LRP1B: variants seen among roughly 807,000 people sequenced by gnomAD.
LRP1B encodes the protein low-density lipoprotein receptor-related protein 1B.
Under a neutral mutation model 556.6 loss-of-function variants are expected in LRP1B, and 217 were observed. The observed-to-expected ratio is 0.39, with a 90% confidence interval of 0.35 to 0.44. The LOEUF (loss-of-function observed/expected upper bound fraction) is 0.44, where lower values mean the gene tolerates loss of function less well. LRP1B is among the 20% of genes least tolerant of loss of function. The pLI, the probability that LRP1B is intolerant of heterozygous loss-of-function variation, is 1.00. For synonymous variants in LRP1B, 2,047 were observed against 1,865.8 expected (o/e 1.10, Z -2.50); for missense variants, 5,053 against 5,620.8 (o/e 0.90, Z 3.23).
intron 47 of LRP1B, among the ~76,000 whole-genome samples, chr2:140,529,181 G>A (rs1690570544): frequency 6.6e-6 from 1 of 151,934 alleles, no homozygotes; most frequent in Non-Finnish European, 1.5e-5. Context: ...TACAAAGGAA[G>A]AAGATCTGTC....
chr2:141,976,677 A>G (rs993584864), intron 1 of LRP1B, among the ~76,000 whole-genome samples: 1 of 152,164 alleles, frequency 6.6e-6, no homozygotes, highest in Non-Finnish European at 1.5e-5. Context: ...AACCAGATAC[A>G]GAGTATGCAT....
chr2:141,630,341 G>A (rs1403474586), intron 2 of LRP1B, among the ~76,000 whole-genome samples: 1 of 152,164 alleles, frequency 6.6e-6, no homozygotes, highest in Non-Finnish European at 1.5e-5. Context: ...AATCTCTTAA[G>A]CAAAGCTGCA....
At chr2:140,735,986 C>G (rs974811058) in intron 35 of LRP1B, among the ~76,000 whole-genome samples, 6 of 151,974 alleles carry the variant, frequency 3.9e-5, no homozygotes, top group African/African-American at 1.4e-4. Context: ...GGCACATTCT[C>G]GGTATATGGG....
At position 141,499,189 on chromosome 2, in the gene LRP1B, T is replaced by A. The variant is rs2105128549; in HGVS notation, c.206-18656A>T. Among the ~76,000 whole-genome samples, 2 of 152,218 alleles carry A rather than the reference T, an allele frequency of 1.3e-5. 1 individual carries two copies. Among genetic ancestry groups the A allele is most frequent in the South Asian group, 4.1e-4 (2 of 4,828 alleles). ...ACTAACTCAGTCTTCTGACCAATCT[T>A]AAGAGTCACACTTGTTATTTTCATT... is the stretch of plus-strand genomic sequence containing the variant. On this transcript the variant is annotated intron_variant, in intron 2 of 90. Coordinates refer to ENST00000389484, the MANE Select transcript of LRP1B (RefSeq NM_018557.3).
At chr2:141,798,173 A>T (rs1471857383) in intron 2 of LRP1B, among the ~76,000 whole-genome samples, 1 of 152,234 alleles carries the variant, frequency 6.6e-6, no homozygotes. Flanking sequence ...AAACATGTAT[A>T]AACATACAAA....
Position 140,886,143 on chromosome 2 carries a change from C to T in LRP1B, c.3959G>A (p.Ser1320Asn). Residue 1320 changes from serine to asparagine, a missense_variant, in exon 24 of 91, where the codon AGT (serine) becomes AAT (asparagine). Ser to Asn is a conservative substitution (Grantham distance 46). Transcript: ENST00000389484. Reference protein sequence around the residue: ...DRIYRGKLSESGGVSAIEVVV... With the variant: ...DRIYRGKLSENGGVSAIEVVV... ...AAAAATTATAATATATGTACCTCCA[C>T]TTTCAGAAAGCTTTCCCCGGTATAT... The T allele has an allele frequency of 1.3e-6, 2 of 1,576,124 alleles. No homozygotes were observed. Among genetic ancestry groups the T allele is most frequent in the Middle Eastern group, 1.7e-4 (1 of 5,876 alleles).
chr2:142,065,298 A>G (rs1231902681), intron 1 of LRP1B, among the ~76,000 whole-genome samples: 1 of 151,362 alleles, frequency 6.6e-6, no homozygotes, highest in Non-Finnish European at 1.5e-5. Flanking sequence ...GTTCCTTTCT[A>G]AAGGCTCTAA....
At chr2:140,321,818 TAC>T (rs1680149412) in intron 82 of LRP1B, 143 bp downstream of exon 82, 1 of 727,518 alleles carries the variant, frequency 1.4e-6, no homozygotes, top group Non-Finnish European at 2.3e-6. Flanking sequence ...CAGAGAAAAG[TAC>T]AGTTTACACA....
At position 140,697,463 on chromosome 2, in the gene LRP1B, CATCTT is replaced by C. The variant is rs575186841; in HGVS notation, c.6799+2782_6799+2786del. Among the ~76,000 whole-genome samples, 123 of 151,798 alleles carry C rather than the reference CATCTT, an allele frequency of 8.1e-4. 1 individual carries two copies. The South Asian group carries it at 0.025, about 31-fold the overall frequency. ...ATTACAACACTCTCGTTTTTTTCAT[CATCTT>C]ATCTTGGATATTTGTACACCAATGT... On this transcript the variant is annotated intron_variant, in intron 41 of 90. Coordinates refer to ENST00000389484, the MANE Select transcript of LRP1B (RefSeq NM_018557.3).
chr2:141,883,282 T>A (rs953358445), intron 1 of LRP1B, among the ~76,000 whole-genome samples: 1 of 152,134 alleles, frequency 6.6e-6, no homozygotes, highest in Non-Finnish European at 1.5e-5. Context: ...TTTGTACTTA[T>A]AATAGCACTA....
intron 41 of LRP1B, among the ~76,000 whole-genome samples, chr2:140,675,979 C>T (rs1685659145): frequency 6.6e-6 from 1 of 150,914 alleles, no homozygotes. Context: ...AAAAAAAATA[C>T]AGAGAAGCTG....
chr2:141,981,733 G>A (rs1702047114), intron 1 of LRP1B, among the ~76,000 whole-genome samples: 1 of 152,070 alleles, frequency 6.6e-6, no homozygotes, highest in South Asian at 2.1e-4. Flanking sequence ...GCCAAAATCT[G>A]GATTTCTAGG....
At chr2:140,362,780 T>A (rs1682575777) in intron 72 of LRP1B, among the ~76,000 whole-genome samples, 1 of 151,754 alleles carries the variant, frequency 6.6e-6, no homozygotes, top group Admixed American at 6.6e-5. Context: ...AGTCTTTCTG[T>A]TCCATACTTT....
intron 1 of LRP1B, among the ~76,000 whole-genome samples, chr2:142,041,890 C>G (rs1368463918): frequency 6.6e-6 from 1 of 151,482 alleles, no homozygotes; most frequent in Non-Finnish European, 1.5e-5. Flanking sequence ...GCTTATTACA[C>G]ATGTCTTAAA....
At chr2:140,702,318 T>C (rs1262689413) in intron 38 of LRP1B, 26 bp from the exon 39 acceptor site, 3 of 1,611,376 alleles carry the variant, frequency 1.9e-6, no homozygotes, top group East Asian at 4.5e-5. Context: ...GAAGTAACGT[T>C]ACAGACTATA....
intron 3 of LRP1B, among the ~76,000 whole-genome samples, chr2:141,317,591 A>G (rs1055020700): frequency 4.6e-5 from 7 of 152,140 alleles, no homozygotes; most frequent in African/African-American, 1.2e-4. Context: ...AATTTAGTGT[A>G]TACCTATCTC....
intron 7 of LRP1B, among the ~76,000 whole-genome samples, chr2:141,098,065 T>G (rs75214501): frequency 0.062 from 9,400 of 152,236 alleles, 355 homozygotes; most frequent in South Asian, 0.11. Flanking sequence ...TAATAAAAAG[T>G]GCTTCACACT....
chr2:141,704,082 T>G (rs897806975), intron 2 of LRP1B, among the ~76,000 whole-genome samples: 1 of 151,956 alleles, frequency 6.6e-6, no homozygotes, highest in Non-Finnish European at 1.5e-5. Flanking sequence ...ATAAGCCAAG[T>G]AAGTAGTCCA....
intron 41 of LRP1B, among the ~76,000 whole-genome samples, chr2:140,616,010 A>G (rs1009545945): frequency 6.6e-6 from 1 of 152,042 alleles, no homozygotes; most frequent in Non-Finnish European, 1.5e-5. Context: ...ATACTCAAAA[A>G]TAATTTTAAA....
Sources: gnomAD v4.1 joint callset for allele counts (sites outside exome capture counted in the v4.1 genomes callset) on GRCh38, gnomAD v4.1.1 for gene constraint, MANE v1.5 for transcripts, NCBI Gene and HGNC (gene_info 2026-07-23, HGNC 2026-07-21) for gene names.